The following LEF1 variants were observed in gnomAD, a reference collection of about 807,000 sequenced individuals.
LEF1 encodes lymphoid enhancer binding factor 1, also known as lymphoid enhancer-binding factor 1.
Under a neutral mutation model 51.2 loss-of-function variants are expected in LEF1, and 14 were observed. That is an observed-to-expected ratio of 0.27 (90% CI 0.18 to 0.43). LEF1 has a LOEUF of 0.43. Ranked by LOEUF, LEF1 falls within the 20% of genes least tolerant of loss-of-function variation. The pLI, the probability that LEF1 is intolerant of heterozygous loss-of-function variation, is 1.00. For synonymous variants in LEF1, 185 were observed against 183.2 expected, an observed-to-expected ratio of 1.01 and a Z score of -0.08; for missense variants, 386 against 512.0, an observed-to-expected ratio of 0.75 and a Z score of 2.37.
chr4:108,098,135 T>C (rs1340329952), intron 3 of LEF1, among the ~76,000 whole-genome samples: 1 of 152,116 alleles, frequency 6.6e-6, no homozygotes, highest in Non-Finnish European at 1.5e-5. Flanking sequence ...GACATGTTGG[T>C]TGAAAAGCCT....
chr4:108,149,969 A>G (rs1373281809), intron 3 of LEF1, among the ~76,000 whole-genome samples: 2 of 151,754 alleles, frequency 1.3e-5, no homozygotes, highest in Non-Finnish European at 2.9e-5. Context: ...AAAAAAAAAA[A>G]GATATTTCCT....
intron 4 of LEF1, among the ~76,000 whole-genome samples, chr4:108,086,174 T>A (rs1739633261): frequency 6.6e-6 from 1 of 152,234 alleles, no homozygotes; most frequent in South Asian, 2.1e-4. Flanking sequence ...CCAAAGATTC[T>A]CAGAAGTGTG....
chr4:108,050,363 T>C (rs561326762), intron 11 of LEF1, among the ~76,000 whole-genome samples: 1 of 152,222 alleles, frequency 6.6e-6, no homozygotes, highest in East Asian at 1.9e-4. Context: ...TGCAGGGTGC[T>C]CTAGATTGGA....
At chr4:108,107,418 C>G (rs1045400484) in intron 3 of LEF1, among the ~76,000 whole-genome samples, 1 of 151,928 alleles carries the variant, frequency 6.6e-6, no homozygotes, top group African/African-American at 2.4e-5. Flanking sequence ...ACTTGTGAGA[C>G]TATAGGTAAT....
intron 9 of LEF1, among the ~76,000 whole-genome samples, chr4:108,065,269 G>A (rs184540410): frequency 5.5e-4 from 83 of 152,236 alleles, no homozygotes; most frequent in African/African-American, 2.0e-3. Flanking sequence ...AGCAGATCAC[G>A]AGGTCAGGAG....
intron 8 of LEF1, among the ~76,000 whole-genome samples, chr4:108,074,924 G>T (rs1738745372): frequency 6.6e-6 from 1 of 152,114 alleles, no homozygotes; most frequent in South Asian, 2.1e-4. Context: ...AGGGCCAGGG[G>T]GCCCTTAACT....
At position 108,079,477 on chromosome 4, in the gene LEF1, C is replaced by CG. The variant is rs774946449; in HGVS notation, c.845+14dup. 8 of 1,613,700 alleles carry CG rather than the reference C, an allele frequency of 5.0e-6. No homozygotes were observed. The highest frequency in any genetic ancestry group is 5.9e-6 in the Non-Finnish European group (7 of 1,179,876). ...ATCCTAAGGCAATCACAGCAGAGCC[C>CG]GGGTGGATACTTACACGTGCATTAG... On this transcript the variant is annotated intron_variant, in intron 7 of 11. Coordinates refer to ENST00000265165, the MANE Select transcript of LEF1 (RefSeq NM_016269.5).
chr4:108,057,186 G>T (rs1173962087), intron 11 of LEF1, among the ~76,000 whole-genome samples: 1 of 152,212 alleles, frequency 6.6e-6, no homozygotes, highest in East Asian at 1.9e-4. Context: ...AAAAGATAAA[G>T]AATGGAAAAC....
chr4:108,065,559 T>C (rs1450025162), intron 9 of LEF1, among the ~76,000 whole-genome samples: 3 of 152,178 alleles, frequency 2.0e-5, no homozygotes, highest in South Asian at 2.1e-4. Flanking sequence ...GTCACTGATA[T>C]CTGCTCTTTG....
chr4:108,099,700 G>A lies in LEF1; in HGVS notation c.415-10443C>T, dbSNP rs529322964. ...TATACACGTGCCCTGGTGGTTTGCC[G>A]CACCCATCAACCTATATCATCTACA... On this transcript the variant is annotated intron_variant, in intron 3 of 11. Transcript: ENST00000265165. 7.4e-5 allele frequency among the ~76,000 whole-genome samples: 11 copies of A among 147,754 alleles called. No individual in the cohort carries two copies. The South Asian group carries it at 1.9e-3, about 26-fold the overall frequency.
intron 9 of LEF1, among the ~76,000 whole-genome samples, chr4:108,069,784 C>G (rs1578302975): frequency 6.6e-6 from 1 of 151,974 alleles, no homozygotes; most frequent in African/African-American, 2.4e-5. Flanking sequence ...TGGTGAAACC[C>G]TGTCTCTACT....
chr4:108,118,872 T>C (rs1741996794), intron 3 of LEF1, among the ~76,000 whole-genome samples: 1 of 152,108 alleles, frequency 6.6e-6, no homozygotes. Flanking sequence ...TTTACATAAT[T>C]TGTTGTTACG....
intron 3 of LEF1, among the ~76,000 whole-genome samples, chr4:108,137,228 C>T (rs931025030): frequency 3.9e-5 from 6 of 151,984 alleles, no homozygotes; most frequent in African/African-American, 9.7e-5. Context: ...ATTGCAAAGG[C>T]GTAAGAATAA....
chr4:108,141,679 C>T (rs1269539158), intron 3 of LEF1, among the ~76,000 whole-genome samples: 1 of 152,172 alleles, frequency 6.6e-6, no homozygotes, highest in East Asian at 1.9e-4. Flanking sequence ...CAGTTGTGCG[C>T]CCTGGGAATA....
intron 3 of LEF1, among the ~76,000 whole-genome samples, chr4:108,116,887 ACAT>A (rs1310768785): frequency 6.6e-6 from 1 of 152,248 alleles, no homozygotes; most frequent in Non-Finnish European, 1.5e-5. Context: ...AGTGCTGGGC[ACAT>A]CATAAGCACT....
intron 3 of LEF1, among the ~76,000 whole-genome samples, chr4:108,125,316 G>A (rs1006203897): frequency 2.0e-5 from 3 of 151,910 alleles, no homozygotes; most frequent in Admixed American, 1.3e-4. Flanking sequence ...GGCACCCACC[G>A]CCACGCCTGG....
At chr4:108,095,868 G>A (rs1292213494) in intron 3 of LEF1, among the ~76,000 whole-genome samples, 2 of 152,078 alleles carry the variant, frequency 1.3e-5, no homozygotes, top group African/African-American at 4.8e-5. Flanking sequence ...GTAAATAGAG[G>A]GACTGGGGTT....
intron 11 of LEF1, among the ~76,000 whole-genome samples, chr4:108,051,895 G>C (rs1432570588): frequency 6.6e-6 from 1 of 152,186 alleles, no homozygotes; most frequent in Non-Finnish European, 1.5e-5. Context: ...TTTCTGGGAG[G>C]TCAACAGCAC....
intron 11 of LEF1, among the ~76,000 whole-genome samples, chr4:108,050,323 A>G (rs1218187912): frequency 1.3e-5 from 2 of 152,176 alleles, no homozygotes; most frequent in African/African-American, 4.8e-5. Context: ...TAAGGCAGTG[A>G]AGGGACAAGA....
Sources: allele counts gnomAD v4.1 joint callset (sites outside exome capture counted in the v4.1 genomes callset), GRCh38; gene constraint gnomAD v4.1.1; transcripts MANE v1.5; gene names NCBI Gene and HGNC (gene_info 2026-07-23, HGNC 2026-07-21).